The following CROT variants were observed in gnomAD, a reference collection of about 807,000 sequenced individuals.
CROT encodes the protein carnitine O-octanoyltransferase.
In CROT, 84 loss-of-function variants were observed where a neutral mutation model predicts 89.2. That is an observed-to-expected ratio of 0.94 (90% CI 0.79 to 1.13). The LOEUF (loss-of-function observed/expected upper bound fraction) is 1.13, where lower values mean the gene tolerates loss of function less well. Ranked by LOEUF, CROT falls within the 50% of genes most tolerant of loss-of-function variation. The pLI, the probability that CROT is intolerant of heterozygous loss-of-function variation, is 0.00. For synonymous variants in CROT, 212 were observed against 239.5 expected (o/e 0.89, Z 1.06); for missense variants, 711 against 727.8 (o/e 0.98, Z 0.27).
In CROT at chr7:87,345,723, A is replaced by G; in HGVS notation, c.-157A>G. 1 of 346,990 alleles carries G rather than the reference A, an allele frequency of 2.9e-6. No individual in the cohort carries two copies. The allele number at this position is 346,990 out of a possible 1,614,324, so 21.5% of individuals were successfully genotyped here. ...AGCGAGCCGGTGCTGCTGCAGGCTG[A>G]GGCTGCGGCAGAGGCGGCGAGGCGC... On this transcript the variant is annotated 5_prime_UTR_variant, in exon 1 of 18. Transcript: ENST00000331536.
chr7:87,393,955 T>G (rs2116209233), intron 17 of CROT, among the ~76,000 whole-genome samples: 1 of 152,234 alleles, frequency 6.6e-6, no homozygotes, highest in Middle Eastern at 3.4e-3. Context: ...ACTAAAGTAT[T>G]CATGAATGCA....
chr7:87,361,327 C>T (rs1187152309), intron 4 of CROT, 63 bp from the exon 5 acceptor site: 1 of 1,432,522 alleles, frequency 7.0e-7, no homozygotes, highest in Non-Finnish European at 9.6e-7. Flanking sequence ...TTTTAAAATT[C>T]CCAGTAGTTA....
At chr7:87,387,044 G>A (rs757763762) in intron 13 of CROT, among the ~76,000 whole-genome samples, 2 of 151,854 alleles carry the variant, frequency 1.3e-5, no homozygotes, top group African/African-American at 4.8e-5. Context: ...GCTTGAGGGC[G>A]GGGTGTTGTG....
At chr7:87,392,141 A>G (rs1201620341) in intron 14 of CROT, among the ~76,000 whole-genome samples, 1 of 152,178 alleles carries the variant, frequency 6.6e-6, no homozygotes, top group Non-Finnish European at 1.5e-5. Context: ...TGAAGCATTT[A>G]GACAACAGCA....
intron 9 of CROT, among the ~76,000 whole-genome samples, chr7:87,376,699 G>T (rs1311248679): frequency 7.4e-5 from 11 of 149,064 alleles, no homozygotes; most frequent in Non-Finnish European, 1.3e-4. Flanking sequence ...ATGCAGTGTT[G>T]TTCAAAGTTT....
chr7:87,375,596 G>A, intron 7 of CROT, 36 bp from the exon 8 acceptor site: 1 of 1,499,904 alleles, frequency 6.7e-7, no homozygotes, highest in Non-Finnish European at 9.3e-7. Context: ...CTTTCTGCCT[G>A]TACTCTTTTT....
intron 3 of CROT, among the ~76,000 whole-genome samples, chr7:87,350,080 A>G (rs1299414334): frequency 3.3e-5 from 5 of 152,192 alleles, no homozygotes; most frequent in East Asian, 1.9e-4. Context: ...AAAGCACAAT[A>G]ACTAATAACA....
At chr7:87,371,309 T>A (rs1562932900) in intron 7 of CROT, among the ~76,000 whole-genome samples, 1 of 152,218 alleles carries the variant, frequency 6.6e-6, no homozygotes, top group Non-Finnish European at 1.5e-5. Context: ...ATTTTTATAG[T>A]TAGCTTCTTT....
At chr7:87,365,021 G>A (rs1806393733) in intron 6 of CROT, among the ~76,000 whole-genome samples, 3 of 152,192 alleles carry the variant, frequency 2.0e-5, no homozygotes, top group South Asian at 2.1e-4. Context: ...ACACTGCTGA[G>A]TGCCCATTTG....
intron 3 of CROT, among the ~76,000 whole-genome samples, chr7:87,357,338 C>A (rs1034380740): frequency 3.3e-5 from 5 of 152,170 alleles, no homozygotes; most frequent in Admixed American, 6.5e-5. Flanking sequence ...CCCCATTGGG[C>A]TGGGACTCTA....
At chr7:87,384,108 A>C (rs1446617221) in intron 13 of CROT, among the ~76,000 whole-genome samples, 1 of 152,138 alleles carries the variant, frequency 6.6e-6, no homozygotes, top group African/African-American at 2.4e-5. Flanking sequence ...TTTTGATAAA[A>C]GTGATTTTTA....
intron 2 of CROT, among the ~76,000 whole-genome samples, chr7:87,346,826 A>G (rs1188401486): frequency 6.6e-6 from 1 of 152,184 alleles, no homozygotes; most frequent in Admixed American, 6.5e-5. Flanking sequence ...ACACAAATGT[A>G]TTATCTCATA....
At chr7:87,377,485 T>A in intron 10 of CROT, 35 bp downstream of exon 10, 1 of 1,217,968 alleles carries the variant, frequency 8.2e-7, no homozygotes, top group Non-Finnish European at 1.2e-6. Context: ...TCTTTTGATC[T>A]TTTAGGTTAA....
chr7:87,381,916 C>T lies in CROT; in HGVS notation c.985C>T (p.Pro329Ser), dbSNP rs762362000. The change falls in exon 11 of 18, where the codon CCT (proline) becomes TCT (serine). Residue 329 changes from proline (P) to serine (S), a missense_variant. Coordinates refer to ENST00000331536, the MANE Select transcript of CROT (RefSeq NM_021151.4). ...TTGTGTGTTCTCATTTTAGCATGCTCCTTTTGATGCAATGATTATGGTGAA... is the reference window on the plus strand; with the variant it reads ...TTGTGTGTTCTCATTTTAGCATGCTTCTTTTGATGCAATGATTATGGTGAA... ...GVFGCNCDHA[P>S]FDAMIMVNIS... is the part of the protein sequence containing the mutation. The T allele has an allele frequency of 6.2e-7, 1 of 1,604,494 alleles. No homozygotes were observed. The highest frequency in any genetic ancestry group is 8.5e-7 in the Non-Finnish European group (1 of 1,175,696).
At position 87,379,134 on chromosome 7, in the gene CROT, C is replaced by T. The variant is rs60600006; in HGVS notation, c.978+1684C>T. ...TACCCTTTGTAAGGTGGTTAACTGC[C>T]CCCTGGCTTCTTCCCTTCATTTCCC... On this transcript the variant is annotated intron_variant, in intron 10 of 17. Coordinates refer to ENST00000331536, the MANE Select transcript of CROT (RefSeq NM_021151.4). Among the ~76,000 whole-genome samples the T allele has an allele frequency of 1.5e-4, 23 of 152,212 alleles. No individual in the cohort carries two copies. In the East Asian group the frequency reaches 4.4e-3, roughly 29 times the overall value.
intron 6 of CROT, among the ~76,000 whole-genome samples, chr7:87,362,303 C>T (rs1806304172): frequency 1.4e-5 from 2 of 142,812 alleles, no homozygotes; most frequent in Admixed American, 1.4e-4. Flanking sequence ...AGTCACTCTT[C>T]CTTTTTTTTT....
chr7:87,372,330 C>T (rs894002363), intron 7 of CROT, among the ~76,000 whole-genome samples: 2 of 152,134 alleles, frequency 1.3e-5, no homozygotes, highest in African/African-American at 4.8e-5. Flanking sequence ...TTGATTTAGG[C>T]AAATTTATCT....
intron 10 of CROT, among the ~76,000 whole-genome samples, chr7:87,380,763 C>G (rs1011424215): frequency 1.3e-5 from 2 of 152,174 alleles, no homozygotes; most frequent in Admixed American, 6.5e-5. Flanking sequence ...TTCCTACTGG[C>G]TCCAGTAAAA....
At chr7:87,355,134 C>T in intron 3 of CROT, among the ~76,000 whole-genome samples, 1 of 150,666 alleles carries the variant, frequency 6.6e-6, no homozygotes, top group Non-Finnish European at 1.5e-5. Context: ...GGGCCTCGCT[C>T]TCTTGCCCAG....
Sources: allele counts gnomAD v4.1 joint callset (sites outside exome capture counted in the v4.1 genomes callset), GRCh38; gene constraint gnomAD v4.1.1; transcripts MANE v1.5; gene names NCBI Gene and HGNC (gene_info 2026-07-23, HGNC 2026-07-21).